SGCZ: variants seen among roughly 807,000 people sequenced by gnomAD.
The protein encoded by SGCZ is sarcoglycan zeta.
A neutral mutation model predicts 41.3 loss-of-function variants in SGCZ; 40 were observed. That is an observed-to-expected ratio of 0.97 (90% CI 0.75 to 1.26). The LOEUF (loss-of-function observed/expected upper bound fraction) is 1.26. Among genes scored for constraint, SGCZ ranks in the 50% most tolerant of loss-of-function variants. SGCZ has a pLI of 0.00. For missense variants in SGCZ, 552 were observed against 369.8 expected, an observed-to-expected ratio of 1.49 and a Z score of -4.04; for synonymous variants, 206 against 137.5, an observed-to-expected ratio of 1.50 and a Z score of -3.49.
At chr8:14,782,751 A>G (rs1017838847) in intron 1 of SGCZ, among the ~76,000 whole-genome samples, 2 of 152,208 alleles carry the variant, frequency 1.3e-5, no homozygotes, top group African/African-American at 4.8e-5. Context: ...CAAGGATACT[A>G]CCCATGAATC....
At chr8:15,134,049 A>T (rs1293831959) in intron 1 of SGCZ, among the ~76,000 whole-genome samples, 1 of 152,194 alleles carries the variant, frequency 6.6e-6, no homozygotes, top group African/African-American at 2.4e-5. Flanking sequence ...TAAGACACTT[A>T]ATAAAATACT....
chr8:14,816,557 G>T (rs1801907889), intron 1 of SGCZ, among the ~76,000 whole-genome samples: 1 of 152,078 alleles, frequency 6.6e-6, no homozygotes, highest in South Asian at 2.1e-4. Context: ...AGCATACAAT[G>T]GAATGATGTT....
Position 14,554,880 on chromosome 8 carries a change from G to T in SGCZ, c.86C>A (p.Pro29Gln). Residue 29 changes from proline (P) to glutamine (Q), a missense_variant, in exon 2 of 8, where the codon CCA (proline) becomes CAA (glutamine). Physicochemically the swap from Pro to Gln is moderately conservative, Grantham distance 76. Coordinates refer to ENST00000382080, the MANE Select transcript of SGCZ (RefSeq NM_139167.4). ...YILATQQNNLPRTENAQLYPV... is the reference protein window; with the variant it reads ...YILATQQNNLQRTENAQLYPV... ...GTAAAGTTGTGCATTCTCAGTCCTT[G>T]GCAGGTTATTCTGTTGGGTTGCTAG... 1 of 1,612,818 alleles carries T rather than the reference G, an allele frequency of 6.2e-7. No individual in the cohort carries two copies. Among genetic ancestry groups the T allele is most frequent in the East Asian group, 2.2e-5 (1 of 44,792 alleles).
At chr8:14,787,090 C>T (rs938152807) in intron 1 of SGCZ, among the ~76,000 whole-genome samples, 3 of 152,112 alleles carry the variant, frequency 2.0e-5, no homozygotes, top group African/African-American at 7.2e-5. Flanking sequence ...GGTTCATTAA[C>T]AGCTCACCTA....
rs185888047 is a variant in SGCZ, at chr8:14,650,601, A to G, written c.40-95675T>C. Reference sequence around the variant, plus strand: ...AGCTCCCACTTATAAGTGACAGGTTATCTTTAATATTAAGCTGGACTGAAG... The same window carrying G: ...AGCTCCCACTTATAAGTGACAGGTTGTCTTTAATATTAAGCTGGACTGAAG... On this transcript the variant is annotated intron_variant, in intron 1 of 7. Transcript: ENST00000382080. 1.3e-3 allele frequency among the ~76,000 whole-genome samples: 204 copies of G among 152,030 alleles called. 3 individuals carry two copies. The highest frequency in any genetic ancestry group is 2.0e-3 in the Admixed American group (30 of 15,226).
chr8:14,974,378 A>C (rs904557471), intron 1 of SGCZ, among the ~76,000 whole-genome samples: 1 of 152,202 alleles, frequency 6.6e-6, no homozygotes, highest in Non-Finnish European at 1.5e-5. Flanking sequence ...ATCACATAGA[A>C]CATACAACTG....
intron 1 of SGCZ, among the ~76,000 whole-genome samples, chr8:15,021,465 A>C (rs1280496949): frequency 6.6e-6 from 1 of 152,178 alleles, no homozygotes; most frequent in Non-Finnish European, 1.5e-5. Context: ...GGCTTATCTG[A>C]GGTTGTACAC....
At chr8:14,587,576 C>T (rs1292593073) in intron 1 of SGCZ, among the ~76,000 whole-genome samples, 3 of 152,162 alleles carry the variant, frequency 2.0e-5, no homozygotes, top group Non-Finnish European at 4.4e-5. Flanking sequence ...ACAGCACATG[C>T]TGTTTTGCTT....
Position 14,452,299 on chromosome 8 carries a change from T to G in SGCZ, c.234+102433A>C, listed in dbSNP as rs533549167. On this transcript the variant is annotated intron_variant, in intron 2 of 7. Coordinates refer to ENST00000382080, the MANE Select transcript of SGCZ (RefSeq NM_139167.4). ...AGTAAGATTAGTCACTGTCGGGGGG[T>G]GAGGGGAGGGACGAATTAACAGGAA... 2.4e-4 allele frequency among the ~76,000 whole-genome samples: 37 copies of G among 151,360 alleles called. 1 individual carries two copies. Among genetic ancestry groups the G allele is most frequent in the African/African-American group, 8.7e-4 (36 of 41,176 alleles).
In SGCZ at chr8:14,128,718, T is replaced by C. The variant is rs567295293; in HGVS notation, c.548-20483A>G. 2.6e-4 allele frequency among the ~76,000 whole-genome samples: 39 copies of C among 150,376 alleles called. No homozygotes were observed. The East Asian group carries it at 4.3e-3, about 17-fold the overall frequency. ...TGTGATGTGTGTGTATATATACATA[T>C]ACACACACACACACACACCATTGAC... On this transcript the variant is annotated intron_variant, in intron 5 of 7. Coordinates refer to ENST00000382080, the MANE Select transcript of SGCZ (RefSeq NM_139167.4).
intron 1 of SGCZ, among the ~76,000 whole-genome samples, chr8:14,901,703 C>T (rs748118170): frequency 1.2e-4 from 19 of 152,002 alleles, no homozygotes; most frequent in Non-Finnish European, 2.2e-4. Context: ...CATATATTTT[C>T]GGTAAAAATG....
At chr8:14,915,826 T>C (rs1224393296) in intron 1 of SGCZ, among the ~76,000 whole-genome samples, 1 of 152,158 alleles carries the variant, frequency 6.6e-6, no homozygotes, top group African/African-American at 2.4e-5. Flanking sequence ...TATTAAACTT[T>C]CCTCTCCTTA....
intron 2 of SGCZ, among the ~76,000 whole-genome samples, chr8:14,422,278 G>A (rs545991661): frequency 2.0e-5 from 3 of 152,206 alleles, no homozygotes; most frequent in Non-Finnish European, 4.4e-5. Flanking sequence ...AGCAATACAA[G>A]GAGTCTGGAT....
intron 2 of SGCZ, among the ~76,000 whole-genome samples, chr8:14,453,446 T>C (rs1221003543): frequency 1.3e-5 from 2 of 152,200 alleles, no homozygotes; most frequent in Non-Finnish European, 2.9e-5. Context: ...TTTTCTTGTT[T>C]GGGTACTAAG....
intron 1 of SGCZ, among the ~76,000 whole-genome samples, chr8:15,189,024 A>C (rs1280000188): frequency 1.3e-5 from 2 of 152,218 alleles, no homozygotes. Context: ...AGATGGAAGA[A>C]ACCATAAAAC....
chr8:14,150,141 C>G (rs1413505403), intron 5 of SGCZ, among the ~76,000 whole-genome samples: 1 of 152,086 alleles, frequency 6.6e-6, no homozygotes, highest in Non-Finnish European at 1.5e-5. Context: ...CAATACCTGA[C>G]AAGCACAGAC....
intron 1 of SGCZ, among the ~76,000 whole-genome samples, chr8:14,798,894 T>A (rs1051330191): frequency 6.6e-6 from 1 of 150,680 alleles, no homozygotes; most frequent in Non-Finnish European, 1.5e-5. Flanking sequence ...CTTTTTAATA[T>A]GTTACATAAT....
intron 4 of SGCZ, among the ~76,000 whole-genome samples, chr8:14,182,774 CGA>C (rs1804771996): frequency 6.6e-6 from 1 of 151,824 alleles, no homozygotes; most frequent in Admixed American, 6.6e-5. Flanking sequence ...TTTGGGAGGC[CGA>C]GAGGGGGCGG....
At chr8:14,811,023 A>G (rs966344619) in intron 1 of SGCZ, among the ~76,000 whole-genome samples, 4 of 151,994 alleles carry the variant, frequency 2.6e-5, no homozygotes, top group African/African-American at 9.7e-5. Context: ...CTTTCCCCCA[A>G]ATTTCTAGAT....
Sources: gnomAD v4.1 joint callset for allele counts (sites outside exome capture counted in the v4.1 genomes callset) on GRCh38, gnomAD v4.1.1 for gene constraint, MANE v1.5 for transcripts, NCBI Gene and HGNC (gene_info 2026-07-23, HGNC 2026-07-21) for gene names.